The following MACROD2 variants were observed in gnomAD, a reference collection of about 807,000 sequenced individuals.
MACROD2 encodes mono-ADP ribosylhydrolase 2, also known as ADP-ribose glycohydrolase MACROD2.
Under a neutral mutation model 70.4 loss-of-function variants are expected in MACROD2, and 36 were observed. The ratio of observed to expected loss-of-function variants is 0.51; its 90% CI spans 0.39 to 0.68. The LOEUF is 0.68. Among genes scored for constraint, MACROD2 ranks in the 30% least tolerant of loss-of-function variants. The pLI is 0.00. For missense variants in MACROD2, 496 were observed against 538.4 expected (o/e 0.92, Z 0.78); for synonymous variants, 172 against 178.8 (o/e 0.96, Z 0.30).
chr20:15,098,136 G>A (rs1472858428), intron 5 of MACROD2, among the ~76,000 whole-genome samples: 1 of 152,136 alleles, frequency 6.6e-6, no homozygotes, highest in Non-Finnish European at 1.5e-5. Context: ...GGCACGAGAT[G>A]CATGCAGTCA....
chr20:14,194,104 G>A (rs1435279835), intron 3 of MACROD2, among the ~76,000 whole-genome samples: 1 of 152,110 alleles, frequency 6.6e-6, no homozygotes, highest in African/African-American at 2.4e-5. Flanking sequence ...TCCTTGTGGT[G>A]GGGAATAGGT....
At chr20:15,543,122 A>G (rs757093981) in intron 8 of MACROD2, among the ~76,000 whole-genome samples, 1 of 152,252 alleles carries the variant, frequency 6.6e-6, no homozygotes, top group Non-Finnish European at 1.5e-5. Context: ...AATGTTTTAT[A>G]TAAAACTTTT....
At chr20:14,946,389 A>C (rs2074432421) in intron 5 of MACROD2, among the ~76,000 whole-genome samples, 1 of 152,176 alleles carries the variant, frequency 6.6e-6, no homozygotes, top group African/African-American at 2.4e-5. Context: ...AAAGAAGATG[A>C]TATATATCAG....
At chr20:15,214,305 G>T (rs892962656) in intron 5 of MACROD2, among the ~76,000 whole-genome samples, 4 of 152,072 alleles carry the variant, frequency 2.6e-5, no homozygotes, top group African/African-American at 9.7e-5. Context: ...CAGAACCTAA[G>T]AACTAAGTGA....
chr20:14,650,770 C>G (rs1273045264), intron 4 of MACROD2, among the ~76,000 whole-genome samples: 1 of 152,062 alleles, frequency 6.6e-6, no homozygotes, highest in Non-Finnish European at 1.5e-5. Context: ...TGTTAATAAC[C>G]CTTCGCACTA....
At chr20:15,140,417 T>C (rs1601129388) in intron 5 of MACROD2, among the ~76,000 whole-genome samples, 1 of 152,274 alleles carries the variant, frequency 6.6e-6, no homozygotes, top group South Asian at 2.1e-4. Flanking sequence ...CCAAAGGGTG[T>C]ATGTAATATT....
Position 15,330,637 on chromosome 20 carries a change from A to G in MACROD2, c.540+100576A>G, listed in dbSNP as rs184144560. Reference sequence around the variant, plus strand: ...GTTAGATGATCACAGCAAGAAAAAAAAATGTGCCAAAGCTAATTCAGGAAA... The same window carrying G: ...GTTAGATGATCACAGCAAGAAAAAAGAATGTGCCAAAGCTAATTCAGGAAA... On this transcript the variant is annotated intron_variant, in intron 6 of 17. Coordinates refer to ENST00000684519, the MANE Select transcript of MACROD2 (RefSeq NM_001351661.2). Among the ~76,000 whole-genome samples, 216 of 151,724 alleles carry G rather than the reference A, an allele frequency of 1.4e-3. 1 individual carries two copies. Among genetic ancestry groups the G allele is most frequent in the Middle Eastern group, 3.4e-3 (1 of 294 alleles).
intron 8 of MACROD2, among the ~76,000 whole-genome samples, chr20:15,823,020 A>G (rs1043217808): frequency 2.0e-5 from 3 of 152,214 alleles, no homozygotes; most frequent in African/African-American, 4.8e-5. Flanking sequence ...GTTAAAATCT[A>G]TTATAGCAGA....
intron 3 of MACROD2, among the ~76,000 whole-genome samples, chr20:14,259,812 A>G (rs1457068091): frequency 2.0e-5 from 3 of 152,150 alleles, no homozygotes; most frequent in Non-Finnish European, 4.4e-5. Context: ...GTATGTAGAG[A>G]AGTAGTAGCC....
chr20:14,463,487 A>G (rs1447659104), intron 3 of MACROD2, among the ~76,000 whole-genome samples: 2 of 152,098 alleles, frequency 1.3e-5, no homozygotes, highest in Non-Finnish European at 2.9e-5. Context: ...GCAAACAGGG[A>G]CAACTTGACT....
intron 5 of MACROD2, among the ~76,000 whole-genome samples, chr20:14,827,379 A>G (rs1400847833): frequency 6.6e-6 from 1 of 152,156 alleles, no homozygotes; most frequent in Admixed American, 6.5e-5. Context: ...CCCTACATAC[A>G]ACAACAATAG....
chr20:15,213,554 G>A (rs2076782396), intron 5 of MACROD2, among the ~76,000 whole-genome samples: 1 of 152,042 alleles, frequency 6.6e-6, no homozygotes. Flanking sequence ...TATGCTGGGT[G>A]CAGGGAAACA....
intron 4 of MACROD2, among the ~76,000 whole-genome samples, chr20:14,565,091 CA>C (rs1979697439): frequency 6.6e-6 from 1 of 151,808 alleles, no homozygotes; most frequent in Non-Finnish European, 1.5e-5. Flanking sequence ...AACAGAAAGT[CA>C]AAAACCACAT....
rs1042612233 is a variant in MACROD2, at chr20:15,385,006, C to G, written c.541-46399C>G. ...AATTATCAAACTGCTAAACCAAGTA[C>G]AGAGGAGACAAATAAAATGTTGATG... On this transcript the variant is annotated intron_variant, in intron 6 of 17. Coordinates refer to ENST00000684519, the MANE Select transcript of MACROD2 (RefSeq NM_001351661.2). 9.2e-5 allele frequency among the ~76,000 whole-genome samples: 14 copies of G among 152,240 alleles called. 1 individual carries two copies. The South Asian group carries it at 1.7e-3, about 18-fold the overall frequency.
chr20:14,263,616 C>T, intron 3 of MACROD2, among the ~76,000 whole-genome samples: 1 of 151,924 alleles, frequency 6.6e-6, no homozygotes, highest in Non-Finnish European at 1.5e-5. Context: ...TCAAACAGGC[C>T]CATGACTATT....
At chr20:15,287,528 A>T (rs1293574961) in intron 6 of MACROD2, among the ~76,000 whole-genome samples, 1 of 152,232 alleles carries the variant, frequency 6.6e-6, no homozygotes, top group Non-Finnish European at 1.5e-5. Context: ...GACTTAATGT[A>T]TGTGTATAAA....
chr20:15,452,521 C>T (rs1053347309), intron 7 of MACROD2, among the ~76,000 whole-genome samples: 2 of 152,130 alleles, frequency 1.3e-5, no homozygotes, highest in Admixed American at 6.6e-5. Context: ...GAAATGTCCC[C>T]GTGATGTTAG....
At position 15,227,888 on chromosome 20, in the gene MACROD2, C is replaced by T. The variant is rs2076924774; in HGVS notation, c.419-2052C>T. Among the ~76,000 whole-genome samples, 3 of 130,766 alleles carry T rather than the reference C, an allele frequency of 2.3e-5. No homozygotes were observed. In the South Asian group the frequency reaches 7.9e-4, roughly 34 times the overall value. 85.8% of individuals were successfully genotyped at this position (130,766 alleles called of 152,430 possible). Reference sequence around the variant, plus strand: ...CCTTTAAACCCATATCATACCGAACCCATTTGGGGAAATGCTGCTTTATAG... The same window carrying T: ...CCTTTAAACCCATATCATACCGAACTCATTTGGGGAAATGCTGCTTTATAG... On this transcript the variant is annotated intron_variant, in intron 5 of 17. Transcript: ENST00000684519.
intron 5 of MACROD2, among the ~76,000 whole-genome samples, chr20:15,144,512 A>AG (rs1475189475): frequency 2.6e-5 from 4 of 152,212 alleles, no homozygotes; most frequent in African/African-American, 9.6e-5. Flanking sequence ...ACAAAACACA[A>AG]TGACCTTTTT....
Sources: gnomAD v4.1 joint callset for allele counts (sites outside exome capture counted in the v4.1 genomes callset) on GRCh38, gnomAD v4.1.1 for gene constraint, MANE v1.5 for transcripts, NCBI Gene and HGNC (gene_info 2026-07-23, HGNC 2026-07-21) for gene names.